ADAMTS6: variants seen among roughly 807,000 people sequenced by gnomAD.
The protein encoded by ADAMTS6 is A disintegrin and metalloproteinase with thrombospondin motifs 6.
ADAMTS6 carries 23 observed loss-of-function variants against 144.3 expected under a neutral mutation model. That is an observed-to-expected ratio of 0.16 (90% CI 0.11 to 0.23). The LOEUF (loss-of-function observed/expected upper bound fraction) is 0.23. Among genes scored for constraint, ADAMTS6 ranks in the 10% least tolerant of loss-of-function variants. ADAMTS6 has a pLI of 1.00. For synonymous variants in ADAMTS6, 444 were observed against 457.5 expected (o/e 0.97, Z 0.38); for missense variants, 999 against 1,379.6 (o/e 0.72, Z 4.37).
At chr5:65,217,250 C>T (rs1297305141) in intron 18 of ADAMTS6, among the ~76,000 whole-genome samples, 2 of 152,102 alleles carry the variant, frequency 1.3e-5, no homozygotes, top group Non-Finnish European at 2.9e-5. Context: ...CAGTGGTTTT[C>T]TGTCTAGTTT....
chr5:65,204,704 T>C (rs917441558), intron 20 of ADAMTS6, among the ~76,000 whole-genome samples: 2 of 152,238 alleles, frequency 1.3e-5, no homozygotes, highest in African/African-American at 4.8e-5. Flanking sequence ...TGCAAACCTT[T>C]GTTCTTCCTA....
chr5:65,467,035 G>A (rs1321292179), intron 3 of ADAMTS6, among the ~76,000 whole-genome samples: 3 of 138,008 alleles, frequency 2.2e-5, no homozygotes, highest in Admixed American at 1.4e-4. Context: ...AGCAGACTCC[G>A]TCTCAAAAAA....
At chr5:65,283,097 A>G (rs1356488807) in intron 11 of ADAMTS6, among the ~76,000 whole-genome samples, 2 of 152,164 alleles carry the variant, frequency 1.3e-5, no homozygotes, top group South Asian at 4.1e-4. Context: ...GCTGCTTGCA[A>G]TAAAGGATCC....
chr5:65,161,197 C>A (rs1752752237), intron 24 of ADAMTS6, among the ~76,000 whole-genome samples: 1 of 151,954 alleles, frequency 6.6e-6, no homozygotes, highest in Non-Finnish European at 1.5e-5. Context: ...GCCACCATAC[C>A]CAGCTAGTTT....
chr5:65,272,422 T>C (rs755724492), intron 12 of ADAMTS6, among the ~76,000 whole-genome samples: 4 of 152,110 alleles, frequency 2.6e-5, no homozygotes, highest in Non-Finnish European at 4.4e-5. Context: ...ATTTCTAGGC[T>C]TGAGTGATCC....
chr5:65,153,299 G>T (rs151078394), intron 24 of ADAMTS6, among the ~76,000 whole-genome samples: 237 of 152,230 alleles, frequency 1.6e-3, no homozygotes, highest in African/African-American at 5.5e-3. Flanking sequence ...CACTTACAAA[G>T]AGATTAATAG....
chr5:65,218,821 T>TA (rs200637282), intron 18 of ADAMTS6, among the ~76,000 whole-genome samples: 1 of 151,790 alleles, frequency 6.6e-6, no homozygotes, highest in Non-Finnish European at 1.5e-5. Flanking sequence ...TAGAAAGTAT[T>TA]AAAAAAAACA....
At chr5:65,277,150 T>C (rs1276973102) in intron 11 of ADAMTS6, among the ~76,000 whole-genome samples, 1 of 152,198 alleles carries the variant, frequency 6.6e-6, no homozygotes, top group African/African-American at 2.4e-5. Flanking sequence ...TTGGAATCTC[T>C]AATGTTATGG....
rs180928224 is a variant in ADAMTS6 at position 65,409,370 on chromosome 5, C to T, written c.1073+42105G>A. ...TACCATCAGAGAATACTATAAACAC[C>T]TCTATGCAAATAAACTAGAAAATCT... On this transcript the variant is annotated intron_variant, in intron 7 of 24. Coordinates refer to ENST00000381055, the MANE Select transcript of ADAMTS6 (RefSeq NM_197941.4). Among the ~76,000 whole-genome samples the T allele has an allele frequency of 2.9e-3, 442 of 152,232 alleles. 3 individuals carry two copies. Among genetic ancestry groups the T allele is most frequent in the African/African-American group, 9.7e-3 (403 of 41,548 alleles).
intron 14 of ADAMTS6, among the ~76,000 whole-genome samples, chr5:65,259,624 T>C (rs1345039231): frequency 1.3e-5 from 2 of 152,180 alleles, no homozygotes; most frequent in African/African-American, 2.4e-5. Flanking sequence ...GGAGCAATTC[T>C]AGAAAAAATA....
intron 11 of ADAMTS6, among the ~76,000 whole-genome samples, chr5:65,288,665 T>C (rs1049439296): frequency 1.3e-5 from 2 of 152,170 alleles, no homozygotes; most frequent in African/African-American, 4.8e-5. Flanking sequence ...AGAGACCTGC[T>C]AGTTGAAAGA....
At chr5:65,332,448 G>A (rs1441999037) in intron 8 of ADAMTS6, among the ~76,000 whole-genome samples, 1 of 151,682 alleles carries the variant, frequency 6.6e-6, no homozygotes, top group Admixed American at 6.6e-5. Context: ...TTGAGGTCTA[G>A]TGTCTATTAT....
rs76234830 is a variant in ADAMTS6, at chr5:65,350,654, T to G, written c.1074-16569A>C. Among the ~76,000 whole-genome samples, 687 of 151,874 alleles carry G rather than the reference T, an allele frequency of 4.5e-3. 3 individuals carry two copies. The highest frequency in any genetic ancestry group is 0.016 in the African/African-American group (660 of 41,406). Reference sequence around the variant, plus strand: ...CTATTAAGGGAGTTTCTAACATTTTTGGGGGCGTGAGGGGGTGGGGAGGGT... The same window carrying G: ...CTATTAAGGGAGTTTCTAACATTTTGGGGGGCGTGAGGGGGTGGGGAGGGT... On this transcript the variant is annotated intron_variant, in intron 7 of 24. Transcript: ENST00000381055.
At chr5:65,449,626 T>G (rs977320139) in intron 7 of ADAMTS6, among the ~76,000 whole-genome samples, 13 of 151,468 alleles carry the variant, frequency 8.6e-5, no homozygotes, top group African/African-American at 3.1e-4. Flanking sequence ...ATCTCAAAAA[T>G]AAATAAATAA....
intron 22 of ADAMTS6, among the ~76,000 whole-genome samples, chr5:65,183,107 G>T (rs1450984691): frequency 2.0e-5 from 3 of 152,174 alleles, no homozygotes; most frequent in Admixed American, 2.0e-4. Flanking sequence ...CTTTAACCTG[G>T]TTCATTTAAG....
At chr5:65,371,233 T>C (rs978669791) in intron 7 of ADAMTS6, among the ~76,000 whole-genome samples, 26 of 152,330 alleles carry the variant, frequency 1.7e-4, no homozygotes, top group African/African-American at 2.9e-4. Context: ...TCCAAAGGAA[T>C]GCAGTTCCTC....
intron 11 of ADAMTS6, among the ~76,000 whole-genome samples, chr5:65,289,984 T>C (rs1337612281): frequency 6.6e-6 from 1 of 152,118 alleles, no homozygotes. Flanking sequence ...ACTAGAACCA[T>C]ACAAAATAAG....
intron 7 of ADAMTS6, among the ~76,000 whole-genome samples, chr5:65,405,160 A>G (rs576772707): frequency 1.1e-4 from 17 of 152,008 alleles, no homozygotes; most frequent in African/African-American, 3.4e-4. Context: ...TTAGATCCCA[A>G]TTGTCAATTT....
intron 20 of ADAMTS6, among the ~76,000 whole-genome samples, chr5:65,197,357 C>A (rs565501653): frequency 6.6e-6 from 1 of 152,100 alleles, no homozygotes. Flanking sequence ...TATTTAGAAA[C>A]GTAACTATTT....
Sources: gnomAD v4.1 joint callset for allele counts (sites outside exome capture counted in the v4.1 genomes callset) on GRCh38, gnomAD v4.1.1 for gene constraint, MANE v1.5 for transcripts, NCBI Gene and HGNC (gene_info 2026-07-23, HGNC 2026-07-21) for gene names.